The following SLC25A33 variants were observed in gnomAD, a reference collection of about 807,000 sequenced individuals.
SLC25A33 encodes the protein bone marrow stromal cell mitochondrial carrier protein.
Under a neutral mutation model 35.5 loss-of-function variants are expected in SLC25A33, and 15 were observed. The observed-to-expected ratio is 0.42, with a 90% CI of 0.28 to 0.65. The LOEUF (loss-of-function observed/expected upper bound fraction) is 0.65. Among genes scored for constraint, SLC25A33 ranks in the 30% least tolerant of loss-of-function variants. The probability of loss-of-function intolerance (pLI) is 0.20; values close to 1 mark genes in which losing one functional copy is unlikely to be tolerated. For missense variants in SLC25A33, 257 were observed against 398.5 expected (o/e 0.64, Z 3.02); for synonymous variants, 136 against 148.7 (o/e 0.91, Z 0.62).
chr1:9,560,120 C>G (rs1016043042), intron 2 of SLC25A33, among the ~76,000 whole-genome samples: 1 of 151,942 alleles, frequency 6.6e-6, no homozygotes, highest in African/African-American at 2.4e-5. Context: ...GACATGGCAG[C>G]ACGTGCCTGT....
At chr1:9,581,851 T>A (rs138102678) in intron 6 of SLC25A33, among the ~76,000 whole-genome samples, 475 of 152,322 alleles carry the variant, frequency 3.1e-3, no homozygotes, top group African/African-American at 6.0e-3. Flanking sequence ...CTCTCTAGGT[T>A]ATGTGACTTT....
At chr1:9,541,485 C>T (rs1054786677) in intron 1 of SLC25A33, among the ~76,000 whole-genome samples, 17 of 152,136 alleles carry the variant, frequency 1.1e-4, no homozygotes, top group South Asian at 6.2e-4. Flanking sequence ...TGCTAAGAGG[C>T]GGAGTTTTGC....
chr1:9,553,512 C>A lies in SLC25A33; in HGVS notation c.57-114C>A, dbSNP rs76482872. The stretch of plus-strand genomic sequence containing the variant: ...CCTCCCAAAGTGCTGGGATTACAGG[C>A]GTGAGCCACCGCGCCCGGCACGTTC... On this transcript the variant is annotated intron_variant, in intron 1 of 6. Coordinates refer to ENST00000302692, the MANE Select transcript of SLC25A33 (RefSeq NM_032315.3). The A allele has an allele frequency of 8.8e-4, 1,033 of 1,172,726 alleles. 20 individuals carry two copies. In the East Asian group the frequency reaches 0.022, roughly 25 times the overall value. The allele number at this position is 1,172,726 out of a possible 1,614,324, so 72.6% of individuals were successfully genotyped here.
chr1:9,574,540 A>G (rs1174684746), intron 5 of SLC25A33, among the ~76,000 whole-genome samples: 1 of 152,252 alleles, frequency 6.6e-6, no homozygotes, highest in African/African-American at 2.4e-5. Context: ...AACAAATGTA[A>G]TGTGACATGA....
At chr1:9,575,588 A>C (rs1265590138) in intron 5 of SLC25A33, among the ~76,000 whole-genome samples, 1 of 151,206 alleles carries the variant, frequency 6.6e-6, no homozygotes, top group African/African-American at 2.4e-5. Context: ...GCACTTCAGC[A>C]TGGGTGATAG....
rs985161017 is a variant in SLC25A33 at position 9,582,223 on chromosome 1, C to G, written c.764-76C>G. 13 of 1,526,366 alleles carry G rather than the reference C, an allele frequency of 8.5e-6. No individual in the cohort carries two copies. The African/African-American group carries it at 1.8e-4, about 21-fold the overall frequency. 94.6% of individuals were successfully genotyped at this position (1,526,366 alleles called of 1,614,324 possible). ...GCCACCGCACCCGGCCTAACCTTGA[C>G]AGTTTTAAAGTTGTGTGCTGTGGAT... On this transcript the variant is annotated intron_variant, in intron 6 of 6. Coordinates refer to ENST00000302692, the MANE Select transcript of SLC25A33 (RefSeq NM_032315.3). The surrounding 1 kb of genome is among the most constrained non-coding windows in gnomAD (Gnocchi z 4.0).
chr1:9,561,012 C>A (rs1643416496), intron 2 of SLC25A33, among the ~76,000 whole-genome samples: 3 of 150,468 alleles, frequency 2.0e-5, no homozygotes, highest in African/African-American at 7.4e-5. Context: ...TGCAGTGGCA[C>A]CATCTCTGCT....
chr1:9,549,901 G>A (rs1036907482), intron 1 of SLC25A33, among the ~76,000 whole-genome samples: 7 of 146,078 alleles, frequency 4.8e-5, no homozygotes, highest in East Asian at 2.0e-4. Context: ...GGGATTACAG[G>A]TGTGAGCCGC....
At chr1:9,570,702 G>GTTTT (rs35547370) in intron 4 of SLC25A33, among the ~76,000 whole-genome samples, 58 of 100,048 alleles carry the variant, frequency 5.8e-4, no homozygotes, top group African/African-American at 1.0e-3. Flanking sequence ...GATAGATATA[G>GTTTT]TTTTTTTTTT....
chr1:9,564,992 G>A (rs1291000663), intron 2 of SLC25A33, among the ~76,000 whole-genome samples: 1 of 151,910 alleles, frequency 6.6e-6, no homozygotes, highest in African/African-American at 2.4e-5. Flanking sequence ...CTCAAAGACT[G>A]AGTGAAATAA....
chr1:9,559,046 C>T (rs1179378921), intron 2 of SLC25A33, among the ~76,000 whole-genome samples: 1 of 152,178 alleles, frequency 6.6e-6, no homozygotes, highest in Non-Finnish European at 1.5e-5. Context: ...ACATTTCCCA[C>T]CGCAGGGTGT....
rs200219355 is a variant in SLC25A33 at position 9,580,203 on chromosome 1, G to A, written c.732G>A (p.Lys244=). 13 of 1,610,408 alleles carry A rather than the reference G, an allele frequency of 8.1e-6. No homozygotes were observed. Among genetic ancestry groups the A allele is most frequent in the Non-Finnish European group, 1.1e-5 (13 of 1,178,822 alleles). ...FGLMAAAALS[K]GCASCIAYPH... ...TTATGGCAGCTGCTGCTCTTTCTAA[G>A]GGCTGTGCCTCCTGCATTGCTTATC... Residue 244 remains lysine, a synonymous_variant, in exon 6 of 7, where the codon AAG becomes AAA. Coordinates refer to ENST00000302692, the MANE Select transcript of SLC25A33 (RefSeq NM_032315.3).
intron 1 of SLC25A33, among the ~76,000 whole-genome samples, chr1:9,545,647 C>T (rs1179111424): frequency 6.6e-6 from 1 of 150,926 alleles, no homozygotes. Context: ...GTGATCCACC[C>T]GCCTGGGACT....
chr1:9,552,787 A>G (rs1371349004), intron 1 of SLC25A33, among the ~76,000 whole-genome samples: 1 of 152,154 alleles, frequency 6.6e-6, no homozygotes, highest in Non-Finnish European at 1.5e-5. Context: ...ATAATTTGCC[A>G]TAAAAGGGCA....
In SLC25A33 at chr1:9,582,266, T is replaced by C. The variant is rs1643756145; in HGVS notation, c.764-33T>C. On this transcript the variant is annotated intron_variant, in intron 6 of 6. Coordinates refer to ENST00000302692, the MANE Select transcript of SLC25A33 (RefSeq NM_032315.3). This position sits in a 1 kb window ranked among gnomAD's most constrained non-coding sequence, Gnocchi z 4.0. ...CTGTGGATTCGTTCCCCATTTAATA[T>C]GTGGCGTAAAGTAGGTCTTTCTCTC... 6.2e-7 allele frequency: 1 copy of C among 1,608,294 alleles called. No individual in the cohort carries two copies. The highest frequency in any genetic ancestry group is 1.1e-5 in the South Asian group (1 of 90,934).
rs199779657 is a variant in SLC25A33 at position 9,573,330 on chromosome 1, T to C, written c.416-16T>C. On this transcript the variant is annotated splice_polypyrimidine_tract_variant and intron_variant, in intron 4 of 6. Coordinates refer to ENST00000302692, the MANE Select transcript of SLC25A33 (RefSeq NM_032315.3). Reference sequence around the variant, plus strand: ...CTATGTACAGTGTTGACCTTTACTGTTTTTTTTTTTTCCAGCTTTTATCAC... The same window carrying C: ...CTATGTACAGTGTTGACCTTTACTGCTTTTTTTTTTTCCAGCTTTTATCAC... 3.1e-4 allele frequency: 262 copies of C among 838,138 alleles called. No individual in the cohort carries two copies. The highest frequency in any genetic ancestry group is 9.2e-4 in the Middle Eastern group (3 of 3,270). 51.9% of individuals were successfully genotyped at this position (838,138 alleles called of 1,614,324 possible). A position where few individuals can be genotyped will look rare whatever the true frequency, so the allele number is the denominator to read the frequency against.
At chr1:9,560,950 CTTT>C (rs1236263182) in intron 2 of SLC25A33, among the ~76,000 whole-genome samples, 10 of 135,756 alleles carry the variant, frequency 7.4e-5, no homozygotes, top group Admixed American at 7.5e-5. Context: ...GAGACACATT[CTTT>C]TTTTTTTTTT....
At chr1:9,564,739 A>AAAATAT (rs60174872) in intron 2 of SLC25A33, among the ~76,000 whole-genome samples, 180 of 96,528 alleles carry the variant, frequency 1.9e-3, no homozygotes, top group African/African-American at 7.6e-3. Context: ...AAAAAAAAAA[A>AAAATAT]ATATATATAT....
At chr1:9,570,831 G>A (rs1164818637) in intron 4 of SLC25A33, among the ~76,000 whole-genome samples, 1 of 149,780 alleles carries the variant, frequency 6.7e-6, no homozygotes, top group Non-Finnish European at 1.5e-5. Flanking sequence ...TTGTGCCTCA[G>A]CCTCCTGAGT....
Sources: allele counts gnomAD v4.1 joint callset (sites outside exome capture counted in the v4.1 genomes callset), GRCh38; gene constraint gnomAD v4.1.1; non-coding constraint Gnocchi (gnomAD v3.1); transcripts MANE v1.5; gene names NCBI Gene and HGNC (gene_info 2026-07-23, HGNC 2026-07-21).